Variants in FTO observed in about 807,000 individuals in gnomAD.
The protein encoded by FTO is FTO alpha-ketoglutarate dependent dioxygenase.
A neutral mutation model predicts 63.9 loss-of-function variants in FTO; 47 were observed. That is an observed-to-expected ratio of 0.74 (90% CI 0.58 to 0.94). The LOEUF is 0.94. Among genes scored for constraint, FTO ranks in the 40% least tolerant of loss-of-function variants. The probability of loss-of-function intolerance (pLI) is 0.00; values close to 1 mark genes in which losing one functional copy is unlikely to be tolerated. For missense variants in FTO, 562 were observed against 618.1 expected (o/e 0.91, Z 0.96); for synonymous variants, 207 against 224.4 (o/e 0.92, Z 0.69).
rs186603159 is a variant in FTO at position 53,719,550 on chromosome 16, C to T, written c.45+15321C>T. ...TTTATAATTTAAAAAATTCCATATT[C>T]ACTTTTTCCATCTTCTTTTAAATTA... is the stretch of plus-strand genomic sequence containing the variant. On this transcript the variant is annotated intron_variant, in intron 1 of 8. Transcript: ENST00000471389. 3.3e-3 allele frequency among the ~76,000 whole-genome samples: 497 copies of T among 150,944 alleles called. 4 individuals carry two copies. Among genetic ancestry groups the T allele is most frequent in the African/African-American group, 0.011 (472 of 41,238 alleles).
At chr16:53,830,305 T>C (rs1465159824) in intron 3 of FTO, among the ~76,000 whole-genome samples, 10 of 152,208 alleles carry the variant, frequency 6.6e-5, no homozygotes, top group Admixed American at 5.9e-4. Context: ...ATATTTGATT[T>C]TCCTATTCCA....
At chr16:54,110,300 T>C (rs1204446942) in intron 8 of FTO, among the ~76,000 whole-genome samples, 2 of 152,204 alleles carry the variant, frequency 1.3e-5, no homozygotes, top group African/African-American at 4.8e-5. Context: ...ATTCTTGTTT[T>C]AAATAAATAA....
At chr16:54,073,385 T>G (rs1441386180) in intron 8 of FTO, among the ~76,000 whole-genome samples, 1 of 152,336 alleles carries the variant, frequency 6.6e-6, no homozygotes, top group East Asian at 1.9e-4. Flanking sequence ...TGAAAAATTC[T>G]AAGACTTTGA....
At chr16:53,923,801 T>G (rs2082066901) in intron 7 of FTO, among the ~76,000 whole-genome samples, 1 of 152,016 alleles carries the variant, frequency 6.6e-6, no homozygotes, top group African/African-American at 2.4e-5. Context: ...GCATCCGAGC[T>G]TAAACGTATG....
At chr16:53,860,998 C>T (rs1443431959) in intron 4 of FTO, among the ~76,000 whole-genome samples, 3 of 151,802 alleles carry the variant, frequency 2.0e-5, no homozygotes, top group Admixed American at 6.6e-5. Flanking sequence ...TAAAACGTTA[C>T]ATTTTACATT....
At chr16:53,807,013 T>A (rs930493327) in intron 1 of FTO, among the ~76,000 whole-genome samples, 1 of 152,224 alleles carries the variant, frequency 6.6e-6, no homozygotes, top group African/African-American at 2.4e-5. Context: ...TATAAAGCAG[T>A]TAAGAATTTT....
chr16:54,057,271 T>C (rs2085457829), intron 8 of FTO, among the ~76,000 whole-genome samples: 1 of 152,234 alleles, frequency 6.6e-6, no homozygotes, highest in Admixed American at 6.5e-5. Context: ...CATTGACTCC[T>C]TATGGAGCTG....
chr16:53,887,135 T>C (rs1261032215), intron 6 of FTO, among the ~76,000 whole-genome samples: 1 of 152,220 alleles, frequency 6.6e-6, no homozygotes, highest in Non-Finnish European at 1.5e-5. Flanking sequence ...CTGAACTAGC[T>C]TAAGTAAGAA....
chr16:53,998,974 G>C (rs1183155576), intron 8 of FTO, among the ~76,000 whole-genome samples: 2 of 152,136 alleles, frequency 1.3e-5, no homozygotes, highest in African/African-American at 2.4e-5. Flanking sequence ...TGTTAAGAAA[G>C]TAACCCTTTC....
intron 8 of FTO, chr16:54,063,773 C>T (rs2085650455): frequency 6.7e-6 from 1 of 150,196 alleles, no homozygotes; most frequent in Admixed American, 6.6e-5. Context: ...AGGTTTCACA[C>T]AGGATGAGTC....
intron 1 of FTO, among the ~76,000 whole-genome samples, chr16:53,754,399 A>T: frequency 6.6e-6 from 1 of 152,196 alleles, no homozygotes; most frequent in Non-Finnish European, 1.5e-5. Flanking sequence ...GCACTTTGGG[A>T]GGCTAAGGTG....
chr16:53,709,400 G>A lies in FTO; in HGVS notation c.45+5171G>A, dbSNP rs187244643. 8.4e-4 allele frequency among the ~76,000 whole-genome samples: 128 copies of A among 152,304 alleles called. No individual in the cohort carries two copies. The East Asian group carries it at 0.02, about 24-fold the overall frequency. On this transcript the variant is annotated intron_variant, in intron 1 of 8. Coordinates refer to ENST00000471389, the MANE Select transcript of FTO (RefSeq NM_001080432.3). ...TGATGGTTTGAGTTAGAACCATGGC[G>A]TCTACTATTTCCTTACTGTAGGGAT...
At chr16:53,953,608 G>A (rs1049507758) in intron 8 of FTO, among the ~76,000 whole-genome samples, 1 of 152,228 alleles carries the variant, frequency 6.6e-6, no homozygotes, top group East Asian at 1.9e-4. Context: ...TTAAAATTTA[G>A]CAGCAAATGT....
intron 1 of FTO, among the ~76,000 whole-genome samples, chr16:53,791,111 G>T (rs1184314431): frequency 6.6e-6 from 1 of 152,218 alleles, no homozygotes; most frequent in Non-Finnish European, 1.5e-5. Flanking sequence ...GCAAGTATGA[G>T]TTGGCCATTG....
intron 8 of FTO, among the ~76,000 whole-genome samples, chr16:54,088,184 A>G (rs2086290525): frequency 6.6e-6 from 1 of 152,210 alleles, no homozygotes; most frequent in Non-Finnish European, 1.5e-5. Flanking sequence ...CCAACGACAA[A>G]CATATGTTTT....
chr16:53,790,443 A>G (rs1388506314), intron 1 of FTO, among the ~76,000 whole-genome samples: 1 of 151,966 alleles, frequency 6.6e-6, no homozygotes, highest in East Asian at 1.9e-4. Flanking sequence ...CAGGGTGGGC[A>G]TGTTGGCTCA....
At chr16:53,731,657 C>T (rs1194038801) in intron 1 of FTO, among the ~76,000 whole-genome samples, 2 of 151,396 alleles carry the variant, frequency 1.3e-5, no homozygotes, top group Non-Finnish European at 2.9e-5. Flanking sequence ...CTCCGCCTGC[C>T]GGGTTCAAGT....
chr16:53,913,041 G>T (rs1442520031), intron 7 of FTO, among the ~76,000 whole-genome samples: 2 of 152,196 alleles, frequency 1.3e-5, no homozygotes, highest in Non-Finnish European at 2.9e-5. Flanking sequence ...TTTCTTTGAT[G>T]TATGGGCAGT....
At chr16:53,823,353 C>G (rs1385862658) in intron 2 of FTO, among the ~76,000 whole-genome samples, 1 of 152,102 alleles carries the variant, frequency 6.6e-6, no homozygotes. Context: ...GCTTTGGTCT[C>G]CTTTTGATAT....
Sources: gnomAD v4.1 joint callset for allele counts (sites outside exome capture counted in the v4.1 genomes callset) on GRCh38, gnomAD v4.1.1 for gene constraint, MANE v1.5 for transcripts, NCBI Gene and HGNC (gene_info 2026-07-23, HGNC 2026-07-21) for gene names.